Variants in SYNE1 observed in about 807,000 individuals in gnomAD.
SYNE1 encodes the protein nesprin-1.
In SYNE1, 616 loss-of-function variants were observed where a neutral mutation model predicts 1,111.0. The ratio of observed to expected loss-of-function variants is 0.55; its 90% CI spans 0.52 to 0.59. SYNE1 has a LOEUF of 0.59. SYNE1 is among the 20% of genes least tolerant of loss of function. The probability of loss-of-function intolerance (pLI) is 0.00; values close to 1 mark genes in which losing one functional copy is unlikely to be tolerated. For synonymous variants in SYNE1, 3,855 were observed against 3,825.8 expected (o/e 1.01, Z -0.28); for missense variants, 10,006 against 10,417.0 (o/e 0.96, Z 1.72).
chr6:152,458,157 T>G (rs1162314081), intron 22 of SYNE1, among the ~76,000 whole-genome samples: 1 of 152,140 alleles, frequency 6.6e-6, no homozygotes, highest in Non-Finnish European at 1.5e-5. Context: ...ATAGACTATA[T>G]GTGGTCTATT....
Position 152,232,271 on chromosome 6 carries a change from C to T in SYNE1, c.20713-6G>A. On this transcript the variant is annotated splice_region_variant and splice_polypyrimidine_tract_variant and intron_variant, in intron 112 of 145. Transcript: ENST00000367255. ...GGCAGTTTATCCATCTGGAGCTGTCCAAGTCAGGGAGAGAACCAGTCCCAA... is the reference window on the plus strand; with the variant it reads ...GGCAGTTTATCCATCTGGAGCTGTCTAAGTCAGGGAGAGAACCAGTCCCAA... 3 of 1,613,722 alleles carry T rather than the reference C, an allele frequency of 1.9e-6. No individual in the cohort carries two copies. The highest frequency in any genetic ancestry group is 2.5e-6 in the Non-Finnish European group (3 of 1,179,850).
chr6:152,581,867 T>C (rs1202116389), intron 3 of SYNE1, among the ~76,000 whole-genome samples: 1 of 152,200 alleles, frequency 6.6e-6, no homozygotes, highest in Non-Finnish European at 1.5e-5. Flanking sequence ...CACTCTAGTC[T>C]CTGCTATCCG....
intron 28 of SYNE1, 114 bp from the exon 29 acceptor site, chr6:152,447,736 A>T: frequency 8.1e-7 from 1 of 1,235,294 alleles, no homozygotes; most frequent in Non-Finnish European, 1.2e-6. Context: ...AGAGCCAGAC[A>T]TCATTCAGCA....
In SYNE1 at chr6:152,226,806, A is replaced by G. The variant is rs370292552; in HGVS notation, c.21196-930T>C. On this transcript the variant is annotated intron_variant, in intron 115 of 145. Transcript: ENST00000367255. Reference sequence around the variant, plus strand: ...GCCTATGGACTCCCAGCCTGATGCCAGAAGGAGTCGGCTGAACCTCAGACT... The same window carrying G: ...GCCTATGGACTCCCAGCCTGATGCCGGAAGGAGTCGGCTGAACCTCAGACT... Among the ~76,000 whole-genome samples, 18 of 152,286 alleles carry G rather than the reference A, an allele frequency of 1.2e-4. No homozygotes were observed. In the East Asian group the frequency reaches 3.5e-3, roughly 29 times the overall value.
intron 46 of SYNE1, 23 bp downstream of exon 46, chr6:152,404,190 A>G: frequency 6.5e-7 from 1 of 1,548,426 alleles, no homozygotes; most frequent in Non-Finnish European, 8.9e-7. Context: ...ATGGAAGTCT[A>G]GTAGTTATTA....
intron 43 of SYNE1, 74 bp downstream of exon 43, chr6:152,409,485 C>G (rs1036341452): frequency 3.4e-5 from 54 of 1,566,198 alleles, no homozygotes; most frequent in Non-Finnish European, 4.6e-5. Context: ...AAGAATAGTG[C>G]AGATAACTGC....
At chr6:152,440,557 T>G (rs1370340498) in intron 32 of SYNE1, among the ~76,000 whole-genome samples, 1 of 149,130 alleles carries the variant, frequency 6.7e-6, no homozygotes, top group African/African-American at 2.5e-5. Flanking sequence ...AAAAATATTA[T>G]TGCCTCCAGA....
At chr6:152,262,593 G>A (rs139417365) in intron 100 of SYNE1, among the ~76,000 whole-genome samples, 68 of 152,242 alleles carry the variant, frequency 4.5e-4, no homozygotes, top group African/African-American at 1.6e-3. Context: ...GGACACAGGA[G>A]GGTACAACAG....
Position 152,231,565 on chromosome 6 carries a change from A to C in SYNE1, c.20865T>G (p.Gly6955=). The change falls in exon 114 of 146, where the codon GGT becomes GGG. Residue 6955 remains glycine, a splice_region_variant and synonymous_variant. Transcript: ENST00000367255. The part of the protein sequence containing the change: ...AIHEYLQKYK[G]FKIDINCKQL... ...GTTTACAGTTAATGTCTATCTTAAAACCCTAAAAAAAAAGAGGAGAAAATA... is the reference window on the plus strand; with the variant it reads ...GTTTACAGTTAATGTCTATCTTAAACCCCTAAAAAAAAAGAGGAGAAAATA... The C allele has an allele frequency of 6.2e-7, 1 of 1,613,596 alleles. No homozygotes were observed. The highest frequency in any genetic ancestry group is 2.2e-5 in the East Asian group (1 of 44,844).
chr6:152,399,698 C>G lies in SYNE1; in HGVS notation c.7155G>C (p.Leu2385=). ...GGCTCACGGCTTCATGTTTCTTTAT[C>G]AGACCAGTCATTGCACGGCCCAGGC... The part of the protein sequence containing the change: ...LESLGRAMTG[L]IKKHEAVSQL... Residue 2385 remains leucine (L), a synonymous_variant, in exon 48 of 146, where the codon CTG becomes CTC. Transcript: ENST00000367255. 1.2e-6 allele frequency: 2 copies of G among 1,614,150 alleles called. No homozygotes were observed. The highest frequency in any genetic ancestry group is 1.7e-6 in the Non-Finnish European group (2 of 1,180,012).
At position 152,122,141 on chromosome 6, in the gene SYNE1, A is replaced by T; in HGVS notation, c.*295T>A. The T allele has an allele frequency of 2.3e-6, 1 of 436,316 alleles. No homozygotes were observed. Among genetic ancestry groups the T allele is most frequent in the East Asian group, 4.8e-5 (1 of 20,760 alleles). 27.0% of individuals were successfully genotyped at this position (436,316 alleles called of 1,614,324 possible). ...TGTGCACAGAATGGGCCAAGGGCCC[A>T]GAATTCATGAGTCCGGGGAACTTTG... is the stretch of plus-strand genomic sequence containing the variant. On this transcript the variant is annotated 3_prime_UTR_variant, in exon 146 of 146. Transcript: ENST00000367255.
intron 5 of SYNE1, among the ~76,000 whole-genome samples, chr6:152,522,636 T>G (rs2099145425): frequency 6.6e-6 from 1 of 152,072 alleles, no homozygotes; most frequent in African/African-American, 2.4e-5. Flanking sequence ...TCATACCGTT[T>G]TTCCATAAAG....
At chr6:152,183,681 A>G (rs2153209403) in intron 128 of SYNE1, among the ~76,000 whole-genome samples, 1 of 152,332 alleles carries the variant, frequency 6.6e-6, no homozygotes, top group African/African-American at 2.4e-5. Flanking sequence ...TCTTGGCCAT[A>G]AGCCAAGAAT....
chr6:152,302,201 G>C (rs760391592), intron 91 of SYNE1, 138 bp from the exon 92 acceptor site: 1 of 1,130,806 alleles, frequency 8.8e-7, no homozygotes, highest in Non-Finnish European at 1.3e-6. Context: ...TGTAGGCGGC[G>C]AGTCCTCCTG....
At chr6:152,426,783 T>C (rs2098364651) in intron 38 of SYNE1, among the ~76,000 whole-genome samples, 1 of 152,144 alleles carries the variant, frequency 6.6e-6, no homozygotes, top group Non-Finnish European at 1.5e-5. Context: ...CAGTGTTTAA[T>C]AAACCAGAAA....
Position 152,483,181 on chromosome 6 carries a change from C to A in SYNE1, c.1254G>T (p.Leu418=), listed in dbSNP as rs777939640. ...PAPLGTIGAW[L]YRAEVALREE... ...CTCTCAGGGCCACCTCCGCTCTGTA[C>A]AGCCAGGCACCTATGGTGCCCAGAG... The change falls in exon 14 of 146, where the codon CTG becomes CTT. Residue 418 remains leucine, a synonymous_variant. Coordinates refer to ENST00000367255, the MANE Select transcript of SYNE1 (RefSeq NM_182961.4). 2.5e-6 allele frequency: 4 copies of A among 1,614,170 alleles called. No individual in the cohort carries two copies. The East Asian group carries it at 8.9e-5, about 36-fold the overall frequency.
At chr6:152,371,702 G>A (rs1264088866) in intron 59 of SYNE1, among the ~76,000 whole-genome samples, 2 of 71,042 alleles carry the variant, frequency 2.8e-5, no homozygotes, top group Non-Finnish European at 5.4e-5. Flanking sequence ...GAGGAGAGGG[G>A]AAGGGGTTGG....
intron 97 of SYNE1, among the ~76,000 whole-genome samples, chr6:152,281,027 T>C (rs968396855): frequency 1.3e-5 from 2 of 152,154 alleles, no homozygotes; most frequent in African/African-American, 4.8e-5. Context: ...AAAAGGAATA[T>C]AAAGTTGTAT....
At chr6:152,594,208 G>C (rs2099574671) in intron 3 of SYNE1, among the ~76,000 whole-genome samples, 1 of 152,168 alleles carries the variant, frequency 6.6e-6, no homozygotes, top group South Asian at 2.1e-4. Flanking sequence ...ATAGTCATAA[G>C]ACTGATTTTT....
Sources: gnomAD v4.1 joint callset for allele counts (sites outside exome capture counted in the v4.1 genomes callset) on GRCh38, gnomAD v4.1.1 for gene constraint, MANE v1.5 for transcripts, NCBI Gene and HGNC (gene_info 2026-07-23, HGNC 2026-07-21) for gene names.